Variants in DHX37 observed in about 807,000 individuals in gnomAD.
The protein encoded by DHX37 is probable ATP-dependent RNA helicase DHX37.
A neutral mutation model predicts 134.3 loss-of-function variants in DHX37; 52 were observed. That is an observed-to-expected ratio of 0.39 (90% confidence interval 0.31 to 0.49). The LOEUF is 0.49. Among genes scored for constraint, DHX37 ranks in the 20% least tolerant of loss-of-function variants. The probability of loss-of-function intolerance (pLI) is 0.93; values close to 1 mark genes in which losing one functional copy is unlikely to be tolerated. For synonymous variants in DHX37, 634 were observed against 670.7 expected (o/e 0.95, Z 0.85); for missense variants, 1,344 against 1,580.8 (o/e 0.85, Z 2.54).
In DHX37 at chr12:124,956,758, A is replaced by T; in HGVS notation, c.2386T>A (p.Cys796Ser). Reference sequence around the variant, plus strand: ...ACGATGGTGATGGCATAGGGCAGGCAGCCGTGTTGTCGGCTCAGTGCCAGC... The same window carrying T: ...ACGATGGTGATGGCATAGGGCAGGCTGCCGTGTTGTCGGCTCAGTGCCAGC... ...KMLALSRQHG[C>S]LPYAITIVAS... Residue 796 changes from cysteine to serine, a missense_variant, in exon 18 of 27, where the codon TGC becomes AGC. This residue lies in a region of DHX37 where 558 missense variants were observed against 650.0 expected (regional missense o/e 0.86). Transcript: ENST00000308736. 1 of 1,609,802 alleles carries T rather than the reference A, an allele frequency of 6.2e-7. No homozygotes were observed. The highest frequency in any genetic ancestry group is 8.5e-7 in the Non-Finnish European group (1 of 1,176,832).
intron 6 of DHX37, among the ~76,000 whole-genome samples, chr12:124,972,880 G>C (rs1484407033): frequency 6.6e-6 from 1 of 152,276 alleles, no homozygotes; most frequent in East Asian, 1.9e-4. Context: ...AGACACCGGG[G>C]AGACCTGCAC....
At chr12:124,956,319 C>G (rs1954092948) in intron 18 of DHX37, among the ~76,000 whole-genome samples, 1 of 152,120 alleles carries the variant, frequency 6.6e-6, no homozygotes, top group Non-Finnish European at 1.5e-5. Flanking sequence ...GAAATGACCC[C>G]TTTTATCATT....
chr12:124,989,127 G>C lies in DHX37; in HGVS notation c.-105C>G. ...CACCAACTCCGGCCGTGAGACTTCC[G>C]GGTTGTGTTATCGCGAGAACTGTAA... is the stretch of plus-strand genomic sequence containing the variant. On this transcript the variant is annotated 5_prime_UTR_variant, in exon 1 of 27. Coordinates refer to ENST00000308736, the MANE Select transcript of DHX37 (RefSeq NM_032656.4). The C allele has an allele frequency of 1.5e-6, 1 of 689,510 alleles. No homozygotes were observed. Among genetic ancestry groups the C allele is most frequent in the Non-Finnish European group, 2.1e-6 (1 of 486,198 alleles). 42.7% of individuals were successfully genotyped at this position (689,510 alleles called of 1,614,324 possible).
At chr12:124,959,264 G>A (rs555483431) in intron 16 of DHX37, among the ~76,000 whole-genome samples, 6 of 152,014 alleles carry the variant, frequency 3.9e-5, no homozygotes, top group African/African-American at 9.6e-5. Context: ...TACTAGAGAC[G>A]GGGTTTCACC....
At chr12:124,950,832 A>C in intron 21 of DHX37, 28 bp from the exon 22 acceptor site, 1 of 1,568,778 alleles carries the variant, frequency 6.4e-7, no homozygotes, top group African/African-American at 1.4e-5. Context: ...TGATGTGGTC[A>C]GGGAAGAACC....
At chr12:124,964,793 A>C (rs1277980429) in intron 14 of DHX37, 137 bp downstream of exon 14, 1 of 1,437,784 alleles carries the variant, frequency 7.0e-7, no homozygotes, top group African/African-American at 1.4e-5. Context: ...TATTCTCCAA[A>C]ACTACCCCAA....
rs760640754 is a variant in DHX37 at position 124,953,872 on chromosome 12, G to C, written c.2695+8C>G. On this transcript the variant is annotated splice_region_variant and intron_variant, in intron 20 of 26. Transcript: ENST00000308736. ...CGGGTGCAGCGGCGTGCCGGCACGG[G>C]GCCGTACCTGCGGTGGTCAGCTGGC... is the stretch of plus-strand genomic sequence containing the variant. The C allele has an allele frequency of 3.0e-5, 49 of 1,610,056 alleles. No homozygotes were observed. Among genetic ancestry groups the C allele is most frequent in the Middle Eastern group, 1.7e-4 (1 of 5,870 alleles).
In DHX37 at chr12:124,977,031, G is replaced by A. The variant is rs1954660250; in HGVS notation, c.887+311C>T. 2.9e-5 allele frequency among the ~76,000 whole-genome samples: 4 copies of A among 138,652 alleles called. No individual in the cohort carries two copies. In the Admixed American group the frequency reaches 3.0e-4, roughly 10 times the overall value. 91.0% of individuals were successfully genotyped at this position (138,652 alleles called of 152,430 possible). ...ACTGTACTCCAGCCGGGGTGACACA[G>A]CGAGACGCTGTCTCAAAAAAAAAAA... is the stretch of plus-strand genomic sequence containing the variant. On this transcript the variant is annotated intron_variant, in intron 5 of 26. Transcript: ENST00000308736.
intron 12 of DHX37, among the ~76,000 whole-genome samples, chr12:124,966,142 G>C (rs960154223): frequency 6.6e-6 from 1 of 152,188 alleles, no homozygotes; most frequent in Non-Finnish European, 1.5e-5. Context: ...CAAGACCCAC[G>C]GTGCCTTCAC....
At chr12:124,972,178 C>G (rs575143213) in intron 7 of DHX37, among the ~76,000 whole-genome samples, 2 of 152,366 alleles carry the variant, frequency 1.3e-5, no homozygotes, top group East Asian at 3.9e-4. Flanking sequence ...ACACCCCCGG[C>G]AAGGCGTGAA....
At chr12:124,976,747 G>A (rs74789587) in intron 5 of DHX37, among the ~76,000 whole-genome samples, 29 of 148,104 alleles carry the variant, frequency 2.0e-4, no homozygotes, top group Admixed American at 1.4e-3. Flanking sequence ...GGAGAATGGC[G>A]TGAACCCGGG....
In DHX37 at chr12:124,964,976, T is replaced by C; in HGVS notation, c.1766A>G (p.His589Arg). 1 of 1,599,556 alleles carries C rather than the reference T, an allele frequency of 6.3e-7. No homozygotes were observed. Among genetic ancestry groups the C allele is most frequent in the Non-Finnish European group, 8.5e-7 (1 of 1,174,786 alleles). ...GEQPDASLPL[H>R]VLPLYSLLAP... ...CAGCAGAGAGTACAGCGGGAGCACG[T>C]GGAGCGGGAGGGAGGCATCCGGCTG... Residue 589 changes from histidine to arginine, a missense_variant, in exon 14 of 27, where the codon CAC becomes CGC. By Grantham distance (29) the His-to-Arg change is conservative. This residue lies in a region of DHX37 where 289 missense variants were observed against 323.8 expected (regional missense o/e 0.89). Transcript: ENST00000308736.
chr12:124,989,040 G>C lies in DHX37; in HGVS notation c.-18C>G. The C allele has an allele frequency of 7.5e-7, 1 of 1,341,226 alleles. No homozygotes were observed. The highest frequency in any genetic ancestry group is 9.6e-7 in the Non-Finnish European group (1 of 1,038,804). The allele number at this position is 1,341,226 out of a possible 1,614,324, so 83.1% of individuals were successfully genotyped here. A position where few individuals can be genotyped will look rare whatever the true frequency, so the allele number is the denominator to read the frequency against. On this transcript the variant is annotated 5_prime_UTR_variant, in exon 1 of 27. Transcript: ENST00000308736. ...TTCCCCATGGCGACTAGGCCAGGGT[G>C]GGCGCTCCAGCGGCCGGACCAGCAG...
intron 16 of DHX37, among the ~76,000 whole-genome samples, chr12:124,957,441 G>A (rs755374217): frequency 3.3e-5 from 5 of 152,218 alleles, no homozygotes; most frequent in Non-Finnish European, 7.3e-5. Flanking sequence ...TACTCATGAG[G>A]ACTGAGCGTC....
intron 15 of DHX37, among the ~76,000 whole-genome samples, chr12:124,963,878 CA>C (rs71092251): frequency 8.7e-4 from 80 of 91,614 alleles, no homozygotes; most frequent in African/African-American, 2.1e-3. Context: ...AGACTCGTCT[CA>C]AAAAAAAAAA....
chr12:124,976,215 G>A (rs933903067), intron 5 of DHX37, among the ~76,000 whole-genome samples: 8 of 152,216 alleles, frequency 5.3e-5, no homozygotes, highest in African/African-American at 1.7e-4. Flanking sequence ...GGGGACTCTG[G>A]AAGCTGGAGC....
Position 124,988,983 on chromosome 12 carries a change from G to A in DHX37, c.40C>T (p.Gln14Ter), listed in dbSNP as rs1954927688. Residue 14 changes from glutamine (Q) to a stop codon, truncating the protein, a stop_gained, in exon 1 of 27, where the codon CAG becomes TAG. Coordinates refer to ENST00000308736, the MANE Select transcript of DHX37 (RefSeq NM_032656.4). LOFTEE classifies it high-confidence loss of function. ...LRRRYNIKGR[Q>*]QAGPGPSKGP... ...TTCGAGGGTCCGGGGCCCGCCTGCT[G>A]GCGCCCCTTGATGTTGTAGCGCCGG... 7.4e-7 allele frequency: 1 copy of A among 1,360,230 alleles called. No homozygotes were observed. The highest frequency in any genetic ancestry group is 9.5e-7 in the Non-Finnish European group (1 of 1,048,158). The allele number at this position is 1,360,230 out of a possible 1,614,324, so 84.3% of individuals were successfully genotyped here.
Position 124,949,476 on chromosome 12 carries a change from TGGGA to T in DHX37, c.3290+506_3290+509del, listed in dbSNP as rs142506009. Among the ~76,000 whole-genome samples the T allele has an allele frequency of 0.54, 81,263 of 151,658 alleles. 24,014 individuals are homozygous for T. The highest frequency in any genetic ancestry group is 0.88 in the East Asian group (4,491 of 5,118). ...GGGATGGGGCAGGGGTCTGCTTAGC[TGGGA>T]GGAAGTCCCCAGGGCCAGGAGGGCA... On this transcript the variant is annotated intron_variant, in intron 25 of 26. Coordinates refer to ENST00000308736, the MANE Select transcript of DHX37 (RefSeq NM_032656.4). This position sits in a 1 kb window ranked among gnomAD's most constrained non-coding sequence, Gnocchi z 4.0.
At chr12:124,973,638 CTT>C (rs71092252) in intron 6 of DHX37, among the ~76,000 whole-genome samples, 9 of 102,864 alleles carry the variant, frequency 8.7e-5, no homozygotes, top group Admixed American at 1.2e-4. Context: ...CCCCCCAACG[CTT>C]TTTTTTTTTT....
Sources: allele counts gnomAD v4.1 joint callset (sites outside exome capture counted in the v4.1 genomes callset), GRCh38; gene constraint gnomAD v4.1.1; regional missense constraint gnomAD v4.1.1; non-coding constraint Gnocchi (gnomAD v3.1); transcripts MANE v1.5; gene names NCBI Gene and HGNC (gene_info 2026-07-23, HGNC 2026-07-21).